NDFIP1: variants seen among roughly 807,000 people sequenced by gnomAD.
NDFIP1 encodes the protein NEDD4 family-interacting protein 1.
Under a neutral mutation model 28.8 loss-of-function variants are expected in NDFIP1, and 7 were observed. The observed-to-expected ratio is 0.24, with a 90% CI of 0.14 to 0.46. The LOEUF (loss-of-function observed/expected upper bound fraction) is 0.46. Ranked by LOEUF, NDFIP1 falls within the 20% of genes least tolerant of loss-of-function variation. NDFIP1 has a pLI of 0.99. For synonymous variants in NDFIP1, 92 were observed against 101.0 expected (o/e 0.91, Z 0.53); for missense variants, 194 against 269.1 (o/e 0.72, Z 1.95).
At chr5:142,119,723 G>T (rs544080140) in intron 1 of NDFIP1, among the ~76,000 whole-genome samples, 82 of 151,938 alleles carry the variant, frequency 5.4e-4, no homozygotes, top group Non-Finnish European at 9.9e-4. Context: ...TACCTTTAAA[G>T]AAAATTTTAT....
chr5:142,119,317 C>T (rs1006932523), intron 1 of NDFIP1, among the ~76,000 whole-genome samples: 1 of 152,202 alleles, frequency 6.6e-6, no homozygotes, highest in African/African-American at 2.4e-5. Context: ...AATTATTAAC[C>T]CACACCCCTG....
intron 6 of NDFIP1, among the ~76,000 whole-genome samples, chr5:142,141,477 G>T (rs1005885523): frequency 6.6e-6 from 1 of 151,568 alleles, no homozygotes; most frequent in African/African-American, 2.4e-5. Context: ...TGCCTGGCCT[G>T]GATTATATTT....
intron 6 of NDFIP1, chr5:142,143,649 A>G (rs1295530159): frequency 6.6e-6 from 1 of 152,194 alleles, no homozygotes; most frequent in African/African-American, 2.4e-5. Flanking sequence ...TTTAGGAGGT[A>G]CAAACTTTTG....
At position 142,119,202 on chromosome 5, in the gene NDFIP1, C is replaced by T. The variant is rs116451905; in HGVS notation, c.63+10165C>T. 4.2e-3 allele frequency among the ~76,000 whole-genome samples: 640 copies of T among 152,304 alleles called. 2 individuals are homozygous for T. Among genetic ancestry groups the T allele is most frequent in the African/African-American group, 0.014 (601 of 41,566 alleles). Reference sequence around the variant, plus strand: ...ACCATATGGGTCACTCTAGCCTACTCCCCTTATCTATAAACTCCCACTCCA... The same window carrying T: ...ACCATATGGGTCACTCTAGCCTACTTCCCTTATCTATAAACTCCCACTCCA... On this transcript the variant is annotated intron_variant, in intron 1 of 7. Coordinates refer to ENST00000253814, the MANE Select transcript of NDFIP1 (RefSeq NM_030571.4).
intron 4 of NDFIP1, among the ~76,000 whole-genome samples, chr5:142,136,627 C>T (rs888832700): frequency 6.6e-6 from 1 of 151,734 alleles, no homozygotes; most frequent in African/African-American, 2.4e-5. Context: ...TGGTGGCAGG[C>T]ACCTGTAATC....
intron 1 of NDFIP1, among the ~76,000 whole-genome samples, chr5:142,119,987 G>A (rs990220902): frequency 3.3e-5 from 5 of 152,190 alleles, no homozygotes; most frequent in South Asian, 4.1e-4. Context: ...ACGGAGTCTC[G>A]CTCTGTTGTC....
Position 142,108,784 on chromosome 5 carries a change from C to T in NDFIP1, c.-191C>T, listed in dbSNP as rs991331610. The T allele has an allele frequency of 2.8e-5, 12 of 428,708 alleles. No individual in the cohort carries two copies. Among genetic ancestry groups the T allele is most frequent in the African/African-American group, 2.1e-4 (10 of 48,104 alleles). 26.6% of individuals were successfully genotyped at this position (428,708 alleles called of 1,614,324 possible). On this transcript the variant is annotated 5_prime_UTR_variant, in exon 1 of 8. Transcript: ENST00000253814. ...GTAGTCCCCGCCTCTTCCCCAGGGG[C>T]CGCGTCGGAGCCTCGGCGGCGGCGG...
intron 1 of NDFIP1, among the ~76,000 whole-genome samples, chr5:142,116,998 A>C (rs1197593219): frequency 6.6e-6 from 1 of 152,170 alleles, no homozygotes; most frequent in Non-Finnish European, 1.5e-5. Flanking sequence ...GGCATGAGCC[A>C]CCGTGCCCGG....
At chr5:142,148,937 G>C in intron 7 of NDFIP1, among the ~76,000 whole-genome samples, 1 of 152,024 alleles carries the variant, frequency 6.6e-6, no homozygotes. Flanking sequence ...AGGTGAATGA[G>C]GAGTTAGCTA....
intron 1 of NDFIP1, among the ~76,000 whole-genome samples, chr5:142,114,957 G>A (rs1757050494): frequency 6.6e-6 from 1 of 152,142 alleles, no homozygotes; most frequent in African/African-American, 2.4e-5. Flanking sequence ...GTGCTTCCTG[G>A]TTTGGGCAGA....
rs752164306 is a variant in NDFIP1, at chr5:142,141,769, T to C, written c.562+1140T>C. 2.0e-4 allele frequency among the ~76,000 whole-genome samples: 31 copies of C among 152,026 alleles called. 1 individual carries two copies. Among genetic ancestry groups the C allele is most frequent in the Admixed American group, 3.9e-4 (6 of 15,260 alleles). On this transcript the variant is annotated intron_variant, in intron 6 of 7. Transcript: ENST00000253814. ...TTGTTGCCCCCTTAATTAAGATCCTTGGTGGTGGTTCTGCTAATGGTTCTG... is the reference window on the plus strand; with the variant it reads ...TTGTTGCCCCCTTAATTAAGATCCTCGGTGGTGGTTCTGCTAATGGTTCTG...
At chr5:142,126,634 A>C (rs1435346494) in intron 1 of NDFIP1, among the ~76,000 whole-genome samples, 1 of 152,078 alleles carries the variant, frequency 6.6e-6, no homozygotes, top group African/African-American at 2.4e-5. Flanking sequence ...TCTCATTCTT[A>C]GTAAATATAG....
At chr5:142,128,472 C>T (rs1253574406) in intron 1 of NDFIP1, among the ~76,000 whole-genome samples, 1 of 152,152 alleles carries the variant, frequency 6.6e-6, no homozygotes, top group African/African-American at 2.4e-5. Context: ...TGACTTGTTG[C>T]CCCTGAAGTG....
chr5:142,117,918 A>T (rs1025732305), intron 1 of NDFIP1, among the ~76,000 whole-genome samples: 2 of 151,904 alleles, frequency 1.3e-5, no homozygotes, highest in African/African-American at 4.8e-5. Context: ...TCCCCCTAAG[A>T]TGGGTTCCTG....
At chr5:142,149,227 T>C (rs183012572) in intron 7 of NDFIP1, among the ~76,000 whole-genome samples, 3 of 152,286 alleles carry the variant, frequency 2.0e-5, no homozygotes, top group Admixed American at 2.0e-4. Flanking sequence ...TCTGTAATTT[T>C]TCTCCTGTTC....
chr5:142,132,549 T>C lies in NDFIP1; in HGVS notation c.282+207T>C, dbSNP rs551533150. 6.6e-5 allele frequency among the ~76,000 whole-genome samples: 10 copies of C among 152,356 alleles called. No individual in the cohort carries two copies. In the South Asian group the frequency reaches 1.9e-3, roughly 28 times the overall value. On this transcript the variant is annotated intron_variant, in intron 3 of 7. Coordinates refer to ENST00000253814, the MANE Select transcript of NDFIP1 (RefSeq NM_030571.4). ...ATTACTAGTCAGACCTGCTCATTTT[T>C]CCTTCATCTCTCCTATTACCACTAC...
chr5:142,135,702 A>G (rs1277121672), intron 3 of NDFIP1, 28 bp from the exon 4 acceptor site: 24 of 1,596,346 alleles, frequency 1.5e-5, no homozygotes, highest in Non-Finnish European at 1.9e-5. Flanking sequence ...CCCTTTGCCT[A>G]GAAATAATTC....
rs775638452 is a variant in NDFIP1 at position 142,131,911 on chromosome 5, A to G, written c.151+16A>G. The G allele has an allele frequency of 1.8e-5, 28 of 1,563,732 alleles. No homozygotes were observed. The highest frequency in any genetic ancestry group is 2.2e-5 in the Admixed American group (1 of 46,100). On this transcript the variant is annotated intron_variant, in intron 2 of 7. Transcript: ENST00000253814. ...GAGAGCGCAGGTAGGTAACAGGGCA[A>G]GGTGATCACGGAATCCTTAAAAACA...
chr5:142,153,243 TATG>T lies in NDFIP1; in HGVS notation c.*1518_*1520del, dbSNP rs1203199837. 13 of 454,434 alleles carry T rather than the reference TATG, an allele frequency of 2.9e-5. No individual in the cohort carries two copies. Among genetic ancestry groups the T allele is most frequent in the Non-Finnish European group, 4.9e-5 (11 of 226,570 alleles). 28.2% of individuals were successfully genotyped at this position (454,434 alleles called of 1,614,324 possible). On this transcript the variant is annotated 3_prime_UTR_variant, in exon 8 of 8. Coordinates refer to ENST00000253814, the MANE Select transcript of NDFIP1 (RefSeq NM_030571.4). ...CTTAAATTTAGAGACCAGTTGTTTT[TATG>T]ATATCAGCCATTTGATTTTTTTCAT...
Sources: gnomAD v4.1 joint callset for allele counts (sites outside exome capture counted in the v4.1 genomes callset) on GRCh38, gnomAD v4.1.1 for gene constraint, MANE v1.5 for transcripts, NCBI Gene and HGNC (gene_info 2026-07-23, HGNC 2026-07-21) for gene names.